HDGFL3: variants seen among roughly 807,000 people sequenced by gnomAD.
HDGFL3 encodes the protein HDGF like 3.
In HDGFL3, 6 loss-of-function variants were observed where a neutral mutation model predicts 27.6. That is an observed-to-expected ratio of 0.22 (90% CI 0.12 to 0.43). The LOEUF (loss-of-function observed/expected upper bound fraction) is 0.43, where lower values mean the gene tolerates loss of function less well. Among genes scored for constraint, HDGFL3 ranks in the 20% least tolerant of loss-of-function variants. HDGFL3 has a pLI of 1.00. For synonymous variants in HDGFL3, 88 were observed against 88.9 expected, an observed-to-expected ratio of 0.99 and a Z score of 0.05; for missense variants, 207 against 250.1, an observed-to-expected ratio of 0.83 and a Z score of 1.16.
At chr15:83,161,116 TC>T (rs1451034461) in intron 2 of HDGFL3, among the ~76,000 whole-genome samples, 1 of 152,192 alleles carries the variant, frequency 6.6e-6, no homozygotes, top group Non-Finnish European at 1.5e-5. Context: ...CTTTTGACCT[TC>T]CCCAGTCTTT....
Position 83,136,330 on chromosome 15 carries a change from A to G in HDGFL3, c.*2940T>C. Reference sequence around the variant, plus strand: ...ATTTAATGAAAGACTCTGACATTAAAGACTCTGGATTGTTTGAAGGTATTT... The same window carrying G: ...ATTTAATGAAAGACTCTGACATTAAGGACTCTGGATTGTTTGAAGGTATTT... On this transcript the variant is annotated 3_prime_UTR_variant, in exon 6 of 6. Coordinates refer to ENST00000299633, the MANE Select transcript of HDGFL3 (RefSeq NM_016073.4). 1 of 500,534 alleles carries G rather than the reference A, an allele frequency of 2.0e-6. No homozygotes were observed. Among genetic ancestry groups the G allele is most frequent in the South Asian group, 5.2e-5 (1 of 19,056 alleles). The allele number at this position is 500,534 out of a possible 1,614,324, so 31.0% of individuals were successfully genotyped here.
At position 83,150,607 on chromosome 15, in the gene HDGFL3, T is replaced by C. The variant is rs114980221; in HGVS notation, c.606+608A>G. Among the ~76,000 whole-genome samples the C allele has an allele frequency of 8.3e-3, 1,261 of 152,296 alleles. 22 individuals carry two copies. The highest frequency in any genetic ancestry group is 0.029 in the African/African-American group (1,198 of 41,574). On this transcript the variant is annotated intron_variant, in intron 5 of 5. Coordinates refer to ENST00000299633, the MANE Select transcript of HDGFL3 (RefSeq NM_016073.4). The stretch of plus-strand genomic sequence containing the variant: ...TTTGACATTGTCTAACTAGTCTTCA[T>C]AGAGGAAAGACTCATGGAAAATGCA...
At position 83,130,354 on chromosome 15, in the gene HDGFL3, A is replaced by G. The variant is rs1220007295; in HGVS notation, c.*8916T>C. The G allele has an allele frequency of 1.3e-5, 2 of 152,500 alleles. No homozygotes were observed. The highest frequency in any genetic ancestry group is 4.8e-5 in the African/African-American group (2 of 41,468). 9.4% of individuals were successfully genotyped at this position (152,500 alleles called of 1,614,324 possible). A position where few individuals can be genotyped will look rare whatever the true frequency, so the allele number is the denominator to read the frequency against. ...TTATTACTCCAGCCAAGTGGTTCTG[A>G]GAAGGGCAGTGTGGACTACAGAGCA... is the stretch of plus-strand genomic sequence containing the variant. On this transcript the variant is annotated 3_prime_UTR_variant, in exon 6 of 6. Coordinates refer to ENST00000299633, the MANE Select transcript of HDGFL3 (RefSeq NM_016073.4).
At chr15:83,142,409 CA>C (rs1181993910) in intron 5 of HDGFL3, among the ~76,000 whole-genome samples, 1 of 152,150 alleles carries the variant, frequency 6.6e-6, no homozygotes, top group Non-Finnish European at 1.5e-5. Flanking sequence ...TTATCCTTAA[CA>C]AACTAACACA....
intron 5 of HDGFL3, among the ~76,000 whole-genome samples, chr15:83,149,287 G>A (rs2036935843): frequency 6.6e-6 from 1 of 152,206 alleles, no homozygotes; most frequent in Admixed American, 6.5e-5. Flanking sequence ...CAGCTATTAT[G>A]TTCTAAGGTG....
At position 83,157,989 on chromosome 15, in the gene HDGFL3, A is replaced by G. The variant is rs1344276226; in HGVS notation, c.214T>C (p.Phe72Leu). The G allele has an allele frequency of 6.2e-7, 1 of 1,612,394 alleles. No homozygotes were observed. Among genetic ancestry groups the G allele is most frequent in the East Asian group, 2.2e-5 (1 of 44,810 alleles). Residue 72 changes from phenylalanine (F) to leucine (L), a missense_variant, in exon 3 of 6, where the codon TTT becomes CTT. Phe to Leu is a conservative substitution (Grantham distance 22, BLOSUM62 0). Coordinates refer to ENST00000299633, the MANE Select transcript of HDGFL3 (RefSeq NM_016073.4). Reference protein sequence around the residue: ...LFPYKEYKDKFGKSNKRKGFN... With the variant: ...LFPYKEYKDKLGKSNKRKGFN... ...CCTTTCCGTTTGTTTGACTTTCCAA[A>G]CTTGTCTTTGTACTCCTTATATGGA... is the stretch of plus-strand genomic sequence containing the variant.
At chr15:83,140,816 C>T (rs2036755338) in intron 5 of HDGFL3, among the ~76,000 whole-genome samples, 1 of 152,184 alleles carries the variant, frequency 6.6e-6, no homozygotes, top group South Asian at 2.1e-4. Context: ...CTTATTATTA[C>T]TGTGAAAGGC....
At chr15:83,120,389 G>T (rs959646958) in intron 3 of HDGFL3, among the ~76,000 whole-genome samples, 3 of 152,062 alleles carry the variant, frequency 2.0e-5, no homozygotes, top group Non-Finnish European at 4.4e-5. Flanking sequence ...TTTCTGCTGG[G>T]GCCCCTGTAA....
chr15:83,137,597 A>G lies in HDGFL3; in HGVS notation c.*1673T>C, dbSNP rs1361949561. 2.6e-5 allele frequency: 4 copies of G among 152,138 alleles called. No homozygotes were observed. The highest frequency in any genetic ancestry group is 5.9e-5 in the Non-Finnish European group (4 of 68,002). 9.4% of individuals were successfully genotyped at this position (152,138 alleles called of 1,614,324 possible). ...GAAGTATTAGATCGACATCCCTACT[A>G]TCTTTTTATGAACTTTTCATGTTTG... On this transcript the variant is annotated 3_prime_UTR_variant, in exon 6 of 6. Coordinates refer to ENST00000299633, the MANE Select transcript of HDGFL3 (RefSeq NM_016073.4).
intron 1 of HDGFL3, among the ~76,000 whole-genome samples, chr15:83,179,592 G>C (rs1246293649): frequency 6.6e-6 from 1 of 152,226 alleles, no homozygotes; most frequent in East Asian, 1.9e-4. Context: ...TCTCGAAAGT[G>C]CTCAAGGCCT....
In HDGFL3 at chr15:83,157,531, C is replaced by T. The variant is rs1408893011; in HGVS notation, c.343G>A (p.Gly115Arg). The change falls in exon 4 of 6, where the codon GGA (glycine) becomes AGA (arginine). Residue 115 changes from glycine to arginine, a missense_variant. Coordinates refer to ENST00000299633, the MANE Select transcript of HDGFL3 (RefSeq NM_016073.4). ...QSSSETEGEG[G>R]NTADASSEEE... ...TCACTGCTTGCATCTGCAGTATTTC[C>T]ACCTTCTCCCTCAGTTTCTGAAGAG... The T allele has an allele frequency of 6.2e-7, 1 of 1,613,748 alleles. No individual in the cohort carries two copies. The highest frequency in any genetic ancestry group is 1.7e-5 in the Admixed American group (1 of 59,994).
chr15:83,177,641 C>T (rs1488960341), intron 1 of HDGFL3, among the ~76,000 whole-genome samples: 2 of 152,118 alleles, frequency 1.3e-5, no homozygotes, highest in African/African-American at 4.8e-5. Flanking sequence ...ATAATCTTTG[C>T]ATATTTGAAT....
At chr15:83,182,000 A>G (rs2151416580) in intron 1 of HDGFL3, among the ~76,000 whole-genome samples, 1 of 152,354 alleles carries the variant, frequency 6.6e-6, no homozygotes, top group South Asian at 2.1e-4. Context: ...GTATTTCATT[A>G]TTTGGTAATG....
At chr15:83,165,630 C>T (rs1331787561) in intron 1 of HDGFL3, among the ~76,000 whole-genome samples, 2 of 151,550 alleles carry the variant, frequency 1.3e-5, no homozygotes, top group African/African-American at 2.4e-5. Context: ...ACTTCTTTTA[C>T]TAAAAATGCA....
In HDGFL3 at chr15:83,139,294, G is replaced by T; in HGVS notation, c.607-19C>A. 1 of 1,266,236 alleles carries T rather than the reference G, an allele frequency of 7.9e-7. No homozygotes were observed. The highest frequency in any genetic ancestry group is 1.1e-6 in the Non-Finnish European group (1 of 938,148). The allele number at this position is 1,266,236 out of a possible 1,614,324, so 78.4% of individuals were successfully genotyped here. On this transcript the variant is annotated intron_variant, in intron 5 of 5. Coordinates refer to ENST00000299633, the MANE Select transcript of HDGFL3 (RefSeq NM_016073.4). ...GTTAGGTCTGTAAAAAAAAAAAAAA[G>T]AAAGAAAACAAGCCTTTAGATGATT... is the stretch of plus-strand genomic sequence containing the variant.
At chr15:83,197,751 G>A (rs1596569292) in intron 1 of HDGFL3, among the ~76,000 whole-genome samples, 3 of 152,246 alleles carry the variant, frequency 2.0e-5, no homozygotes, top group African/African-American at 7.2e-5. Context: ...CAGCAAACGT[G>A]TGGAACTTAC....
At chr15:83,123,723 G>C (rs185177547), downstream of HDGFL3, among the ~76,000 whole-genome samples, 2 of 152,148 alleles carry the variant, frequency 1.3e-5, no homozygotes, top group Non-Finnish European at 2.9e-5. Context: ...CTGTTAAAAA[G>C]AAAAAGCAAA....
At chr15:83,200,257 C>A (rs894954132) in intron 1 of HDGFL3, among the ~76,000 whole-genome samples, 1 of 151,730 alleles carries the variant, frequency 6.6e-6, no homozygotes, top group Non-Finnish European at 1.5e-5. Context: ...GAGGCAGGAA[C>A]CCGGGAGGCG....
At chr15:83,188,109 TTA>T (rs1196177536) in intron 1 of HDGFL3, among the ~76,000 whole-genome samples, 1 of 152,218 alleles carries the variant, frequency 6.6e-6, no homozygotes, top group Non-Finnish European at 1.5e-5. Flanking sequence ...TTTGACAGCA[TTA>T]GACATTATTG....
Sources: gnomAD v4.1 joint callset for allele counts (sites outside exome capture counted in the v4.1 genomes callset) on GRCh38, gnomAD v4.1.1 for gene constraint, MANE v1.5 for transcripts, NCBI Gene and HGNC (gene_info 2026-07-23, HGNC 2026-07-21) for gene names.